Variants in COL12A1 observed in about 807,000 individuals in gnomAD.
COL12A1 encodes collagen type XII alpha 1 chain.
A neutral mutation model predicts 349.7 loss-of-function variants in COL12A1; 114 were observed. The observed-to-expected ratio is 0.33, with a 90% CI of 0.28 to 0.38. The LOEUF (loss-of-function observed/expected upper bound fraction) is 0.38. Among genes scored for constraint, COL12A1 ranks in the 10% least tolerant of loss-of-function variants. The pLI is 1.00. For synonymous variants in COL12A1, 1,369 were observed against 1,329.0 expected (o/e 1.03, Z -0.66); for missense variants, 3,284 against 3,756.9 (o/e 0.87, Z 3.29).
At position 75,205,828 on chromosome 6, in the gene COL12A1, C is replaced by A. The variant is rs1770753113; in HGVS notation, c.-87G>T. ...AGCGGCGGCGACAGCGGCTTCCCGG[C>A]GTCGGAGAAGCTGGTGCTCGGTGTG... On this transcript the variant is annotated 5_prime_UTR_variant, in exon 1 of 66. Coordinates refer to ENST00000322507, the MANE Select transcript of COL12A1 (RefSeq NM_004370.6). 6.4e-6 allele frequency: 1 copy of A among 156,714 alleles called. No individual in the cohort carries two copies. Among genetic ancestry groups the A allele is most frequent in the Non-Finnish European group, 1.4e-5 (1 of 71,680 alleles). 9.7% of individuals were successfully genotyped at this position (156,714 alleles called of 1,614,324 possible). A position where few individuals can be genotyped will look rare whatever the true frequency, so the allele number is the denominator to read the frequency against.
chr6:75,182,998 C>G, intron 10 of COL12A1, 52 bp downstream of exon 10: 1 of 1,524,508 alleles, frequency 6.6e-7, no homozygotes, highest in Non-Finnish European at 8.8e-7. Flanking sequence ...ATTTTAGAAC[C>G]AAAAATTCTT....
intron 14 of COL12A1, among the ~76,000 whole-genome samples, chr6:75,159,164 TAAG>T (rs1231566798): frequency 6.6e-6 from 1 of 151,480 alleles, no homozygotes; most frequent in East Asian, 1.9e-4. Flanking sequence ...AGGACAAAGA[TAAG>T]AATGATAAAG....
intron 18 of COL12A1, 23 bp downstream of exon 18, chr6:75,152,310 G>T (rs753396441): frequency 6.2e-7 from 1 of 1,613,432 alleles, no homozygotes; most frequent in African/African-American, 1.3e-5. Flanking sequence ...TGTCTAAATG[G>T]CTCCAATGTT....
In COL12A1 at chr6:75,142,159, T is replaced by C; in HGVS notation, c.4830A>G (p.Val1610=). The part of the protein sequence containing the change: ...YKTPEEDVKE[V]EVDRSETSTS... ...TGCTGGTCTCTGATCTGTCCACCTC[T>C]ACCTATAACAGTAACAGAGCAGTGG... is the stretch of plus-strand genomic sequence containing the variant. The change falls in exon 27 of 66, where the codon GTA becomes GTG. Residue 1610 remains valine, a splice_region_variant and synonymous_variant. Coordinates refer to ENST00000322507, the MANE Select transcript of COL12A1 (RefSeq NM_004370.6). The C allele has an allele frequency of 6.2e-7, 1 of 1,614,030 alleles. No homozygotes were observed. The highest frequency in any genetic ancestry group is 8.5e-7 in the Non-Finnish European group (1 of 1,179,898).
intron 14 of COL12A1, among the ~76,000 whole-genome samples, chr6:75,159,401 A>G (rs967037027): frequency 2.0e-5 from 3 of 147,532 alleles, no homozygotes; most frequent in African/African-American, 4.9e-5. Flanking sequence ...CTATTAAAAG[A>G]AAAAAAGTTT....
rs775776703 is a variant in COL12A1, at chr6:75,097,239, C to T, written c.8577+14G>A. 3.7e-6 allele frequency: 6 copies of T among 1,612,794 alleles called. No homozygotes were observed. In the Admixed American group the frequency reaches 6.7e-5, roughly 18 times the overall value. ...GAGTGAAGGGCACAAAAATGAGACA[C>T]ATTTAGTTCTTACCGGCGGCCCTGG... On this transcript the variant is annotated intron_variant, in intron 59 of 65. Transcript: ENST00000322507.
At chr6:75,126,269 C>T (rs1766008914) in intron 39 of COL12A1, 82 bp downstream of exon 39, 1 of 1,477,410 alleles carries the variant, frequency 6.8e-7, no homozygotes, top group Non-Finnish European at 9.2e-7. Flanking sequence ...GAGAACCCAA[C>T]AGTGGGGGAT....
chr6:75,150,312 C>A (rs1018307277), intron 21 of COL12A1, among the ~76,000 whole-genome samples: 1 of 152,180 alleles, frequency 6.6e-6, no homozygotes, highest in African/African-American at 2.4e-5. Flanking sequence ...ATGCACCATC[C>A]TTTTTTGGTA....
intron 31 of COL12A1, among the ~76,000 whole-genome samples, chr6:75,137,135 A>G (rs1766651379): frequency 1.3e-5 from 2 of 152,218 alleles, no homozygotes; most frequent in South Asian, 4.1e-4. Flanking sequence ...CTATCTGGAT[A>G]TCGTCATGGA....
intron 2 of COL12A1, among the ~76,000 whole-genome samples, chr6:75,196,586 T>C (rs1770238622): frequency 6.6e-6 from 1 of 152,210 alleles, no homozygotes. Flanking sequence ...GTTTAATTAC[T>C]CAACATTCTT....
intron 23 of COL12A1, among the ~76,000 whole-genome samples, chr6:75,147,106 A>C (rs771681525): frequency 9.9e-5 from 15 of 152,246 alleles, no homozygotes; most frequent in Non-Finnish European, 1.0e-4. Flanking sequence ...TCAAAGCCAA[A>C]GCACTTAGAG....
intron 43 of COL12A1, among the ~76,000 whole-genome samples, chr6:75,122,916 T>C (rs933251219): frequency 6.6e-6 from 1 of 152,218 alleles, no homozygotes; most frequent in Non-Finnish European, 1.5e-5. Context: ...CATTGTATAA[T>C]CCAGGGAACT....
In COL12A1 at chr6:75,119,422, T is replaced by C. The variant is rs756406838; in HGVS notation, c.7138A>G (p.Thr2380Ala). The stretch of plus-strand genomic sequence containing the variant: ...AGGGCTAGGGCCTTGTCATTGTACG[T>C]GTTCAGCTTGAACTCAGACTTGACC... ...DEVKSEFKLN[T>A]YNDKALALGA... Residue 2380 changes from threonine to alanine, a missense_variant, in exon 45 of 66, where the codon ACG (threonine) becomes GCG (alanine). Physicochemically the swap from Thr to Ala is moderately conservative, Grantham distance 58. Around this residue, in one of 2 missense-constraint regions of COL12A1, gnomAD observed 683 missense variants for 932.1 expected, o/e 0.73. Coordinates refer to ENST00000322507, the MANE Select transcript of COL12A1 (RefSeq NM_004370.6). The C allele has an allele frequency of 1.9e-6, 3 of 1,613,970 alleles. 1 individual carries two copies. The highest frequency in any genetic ancestry group is 2.5e-6 in the Non-Finnish European group (3 of 1,179,886).
chr6:75,188,428 C>G lies in COL12A1; in HGVS notation c.931G>C (p.Glu311Gln), dbSNP rs1218659847. 6.2e-7 allele frequency: 1 copy of G among 1,613,664 alleles called. No homozygotes were observed. The highest frequency in any genetic ancestry group is 8.5e-7 in the Non-Finnish European group (1 of 1,179,690). Residue 311 changes from glutamate (E) to glutamine (Q), a missense_variant, in exon 8 of 66, where the codon GAG (glutamate) becomes CAG (glutamine). This residue lies in a region of COL12A1 where 2,601 missense variants were observed against 2,824.8 expected (regional missense o/e 0.92). Coordinates refer to ENST00000322507, the MANE Select transcript of COL12A1 (RefSeq NM_004370.6). Reference sequence around the variant, plus strand: ...CCTGAGCACACCTGGGAGATGATCTCATTCTGAATATCCACAATTGCATCA... The same window carrying G: ...CCTGAGCACACCTGGGAGATGATCTGATTCTGAATATCCACAATTGCATCA... ...NFDAIVDIQN[E>Q]IISQVCSGVD...
intron 2 of COL12A1, among the ~76,000 whole-genome samples, chr6:75,195,713 G>C (rs576713723): frequency 1.7e-4 from 26 of 152,044 alleles, no homozygotes; most frequent in African/African-American, 4.8e-4. Flanking sequence ...AATGTTCCAG[G>C]GTGTAAACCA....
intron 16 of COL12A1, 96 bp from the exon 17 acceptor site, chr6:75,154,633 C>T: frequency 1.6e-6 from 2 of 1,268,786 alleles, no homozygotes; most frequent in Admixed American, 2.5e-5. Flanking sequence ...TCTTGATTTA[C>T]AAGCTTACAC....
At chr6:75,107,522 C>T (rs927374714) in intron 52 of COL12A1, among the ~76,000 whole-genome samples, 8 of 152,074 alleles carry the variant, frequency 5.3e-5, no homozygotes, top group African/African-American at 1.4e-4. Flanking sequence ...CCACCCGCCT[C>T]GGCCTCCCAA....
rs1357732028 is a variant in COL12A1 at position 75,177,938 on chromosome 6, G to A, written c.2165-3C>T. On this transcript the variant is annotated splice_polypyrimidine_tract_variant and splice_region_variant and intron_variant, in intron 11 of 65. Transcript: ENST00000322507. ...TAGGTTTCGAGGTGCTCCTTTTACT[G>A]AAATAAAAAAGGAAAAATAGATTTT... is the stretch of plus-strand genomic sequence containing the variant. 6 of 1,578,616 alleles carry A rather than the reference G, an allele frequency of 3.8e-6. No individual in the cohort carries two copies. The African/African-American group carries it at 6.9e-5, about 18-fold the overall frequency.
chr6:75,142,138 G>C lies in COL12A1; in HGVS notation c.4851C>G (p.Thr1617=), dbSNP rs1309712355. The change falls in exon 27 of 66, where the codon ACC becomes ACG. Residue 1617 remains threonine (T), a synonymous_variant. Transcript: ENST00000322507. The part of the protein sequence containing the change: ...VKEVEVDRSE[T]STSLKDLFSQ... The stretch of plus-strand genomic sequence containing the variant: ...AGAAGAGGTCTTTGAGGGAAGTGCT[G>C]GTCTCTGATCTGTCCACCTCTACCT... 1.2e-6 allele frequency: 2 copies of C among 1,614,076 alleles called. No homozygotes were observed. Among genetic ancestry groups the C allele is most frequent in the Middle Eastern group, 3.3e-4 (2 of 6,060 alleles).
Sources: allele counts gnomAD v4.1 joint callset (sites outside exome capture counted in the v4.1 genomes callset), GRCh38; gene constraint gnomAD v4.1.1; regional missense constraint gnomAD v4.1.1; transcripts MANE v1.5; gene names NCBI Gene and HGNC (gene_info 2026-07-23, HGNC 2026-07-21).